ATP2B2: variants seen among roughly 807,000 people sequenced by gnomAD.
ATP2B2 encodes the protein ATPase plasma membrane Ca2+ transporting 2.
Under a neutral mutation model 120.0 loss-of-function variants are expected in ATP2B2, and 15 were observed. That is an observed-to-expected ratio of 0.12 (90% CI 0.08 to 0.19). The LOEUF (loss-of-function observed/expected upper bound fraction) is 0.19. Among genes scored for constraint, ATP2B2 ranks in the 10% least tolerant of loss-of-function variants. ATP2B2 has a pLI of 1.00. For synonymous variants in ATP2B2, 694 were observed against 700.3 expected (o/e 0.99, Z 0.14); for missense variants, 1,045 against 1,719.8 (o/e 0.61, Z 6.94).
At chr3:10,567,806 A>G (rs551538070) in intron 2 of ATP2B2, among the ~76,000 whole-genome samples, 2 of 152,258 alleles carry the variant, frequency 1.3e-5, no homozygotes, top group Admixed American at 1.3e-4. Flanking sequence ...GAGGGCTGAG[A>G]CTGCGTTTCA....
At chr3:10,333,753 T>C (rs912536802) in intron 22 of ATP2B2, among the ~76,000 whole-genome samples, 1 of 151,964 alleles carries the variant, frequency 6.6e-6, no homozygotes. Context: ...AGAGGCAAGA[T>C]GGTGAGCAGG....
At chr3:10,650,266 G>T (rs1199282696) in intron 1 of ATP2B2, among the ~76,000 whole-genome samples, 1 of 152,220 alleles carries the variant, frequency 6.6e-6, no homozygotes, top group Non-Finnish European at 1.5e-5. Context: ...GGGAACTGGA[G>T]AAAGGTGACT....
chr3:10,539,813 G>A (rs943998597), intron 2 of ATP2B2, among the ~76,000 whole-genome samples: 1 of 152,178 alleles, frequency 6.6e-6, no homozygotes, highest in Non-Finnish European at 1.5e-5. Context: ...CATGGGCAAG[G>A]ACTTCATGAC....
chr3:10,384,912 C>G (rs1026565544), intron 8 of ATP2B2, among the ~76,000 whole-genome samples: 1 of 152,222 alleles, frequency 6.6e-6, no homozygotes, highest in Non-Finnish European at 1.5e-5. Context: ...GGCCTTCTTC[C>G]CAAAGCCAGG....
intron 1 of ATP2B2, among the ~76,000 whole-genome samples, chr3:10,663,045 G>A (rs569116815): frequency 7.6e-6 from 1 of 131,512 alleles, no homozygotes; most frequent in Admixed American, 9.7e-5. Flanking sequence ...TGAACAATGA[G>A]AACACTTGGA....
intron 1 of ATP2B2, among the ~76,000 whole-genome samples, chr3:10,665,139 C>T (rs1359490659): frequency 6.6e-6 from 1 of 152,192 alleles, no homozygotes; most frequent in African/African-American, 2.4e-5. Context: ...TACCTGCTAC[C>T]CTGCTCTGAG....
intron 1 of ATP2B2, among the ~76,000 whole-genome samples, chr3:10,500,026 C>T (rs2066318876): frequency 6.6e-6 from 1 of 151,446 alleles, no homozygotes; most frequent in African/African-American, 2.4e-5. Flanking sequence ...ACCTCCACCT[C>T]CCAGGATCAA....
At chr3:10,385,454 G>A in intron 7 of ATP2B2, 127 bp from the exon 8 acceptor site, 1 of 771,730 alleles carries the variant, frequency 1.3e-6, no homozygotes. Flanking sequence ...TTATCCTTTG[G>A]AAACCAAGAA....
chr3:10,652,084 A>G (rs1230896379), intron 1 of ATP2B2, among the ~76,000 whole-genome samples: 1 of 152,084 alleles, frequency 6.6e-6, no homozygotes, highest in East Asian at 1.9e-4. Context: ...TCAAGGGGAG[A>G]CTATTCTATT....
chr3:10,342,980 G>T lies in ATP2B2; in HGVS notation c.2704-15C>A. ...AGAGGGGAGTCCTGGGGACGGGCAG[G>T]AGAGGGCTGTCACCTGTGCGCCCAC... is the stretch of plus-strand genomic sequence containing the variant. On this transcript the variant is annotated splice_polypyrimidine_tract_variant and intron_variant, in intron 18 of 22. Transcript: ENST00000360273. The surrounding 1 kb of genome is among the most constrained non-coding windows in gnomAD (Gnocchi z 4.4). 6.2e-7 allele frequency: 1 copy of T among 1,612,716 alleles called. No homozygotes were observed. The highest frequency in any genetic ancestry group is 1.1e-5 in the South Asian group (1 of 90,934).
At chr3:10,692,844 C>T (rs985411741) in intron 1 of ATP2B2, among the ~76,000 whole-genome samples, 13 of 149,902 alleles carry the variant, frequency 8.7e-5, no homozygotes, top group Admixed American at 6.7e-4. Flanking sequence ...AATGGGAGCC[C>T]ACACCCGCCA....
intron 1 of ATP2B2, among the ~76,000 whole-genome samples, chr3:10,652,211 C>T (rs919565270): frequency 1.3e-5 from 2 of 152,146 alleles, no homozygotes; most frequent in Non-Finnish European, 2.9e-5. Context: ...ATGACCCCAC[C>T]ACGTGGCCCA....
intron 1 of ATP2B2, among the ~76,000 whole-genome samples, chr3:10,661,884 A>G (rs555378341): frequency 6.6e-6 from 1 of 152,354 alleles, no homozygotes; most frequent in South Asian, 2.1e-4. Flanking sequence ...ACAGCATAGT[A>G]CTGGTACCAA....
chr3:10,448,089 G>A (rs111588225), intron 2 of ATP2B2, among the ~76,000 whole-genome samples: 5 of 152,226 alleles, frequency 3.3e-5, no homozygotes, highest in African/African-American at 1.2e-4. Context: ...ATGCTGCCAG[G>A]GCTAGAGTCC....
intron 1 of ATP2B2, among the ~76,000 whole-genome samples, chr3:10,694,976 G>A (rs1048918639): frequency 1.3e-5 from 2 of 151,996 alleles, no homozygotes; most frequent in Non-Finnish European, 2.9e-5. Flanking sequence ...GTGGCTGCTT[G>A]TGATTAAAAG....
chr3:10,478,783 G>A (rs532644207), intron 1 of ATP2B2, among the ~76,000 whole-genome samples: 34 of 152,240 alleles, frequency 2.2e-4, no homozygotes, highest in South Asian at 6.2e-4. Context: ...TGACTGCTGT[G>A]GCCTCTAACT....
intron 1 of ATP2B2, among the ~76,000 whole-genome samples, chr3:10,473,502 T>A (rs574354757): frequency 2.0e-5 from 3 of 152,218 alleles, no homozygotes; most frequent in Admixed American, 2.0e-4. Context: ...TGCGGCGGTG[T>A]ACACCTGTAA....
At position 10,491,876 on chromosome 3, in the gene ATP2B2, T is replaced by C. The variant is rs570220488; in HGVS notation, c.-320+13589A>G. On this transcript the variant is annotated intron_variant, in intron 1 of 22. Coordinates refer to ENST00000360273, the MANE Select transcript of ATP2B2 (RefSeq NM_001001331.4). ...GTACCATGAAGAAAGAAAAAAGGAC[T>C]TCCAATAAAACTATGACGTGCTGTC... 6.6e-5 allele frequency among the ~76,000 whole-genome samples: 10 copies of C among 152,324 alleles called. 1 individual carries two copies. In the East Asian group the frequency reaches 1.7e-3, roughly 26 times the overall value.
chr3:10,656,551 G>A (rs574981439), intron 1 of ATP2B2, among the ~76,000 whole-genome samples: 1 of 152,122 alleles, frequency 6.6e-6, no homozygotes. Flanking sequence ...TGGGCCTTCC[G>A]CACACACCAG....
Sources: allele counts gnomAD v4.1 joint callset (sites outside exome capture counted in the v4.1 genomes callset), GRCh38; gene constraint gnomAD v4.1.1; non-coding constraint Gnocchi (gnomAD v3.1); transcripts MANE v1.5; gene names NCBI Gene and HGNC (gene_info 2026-07-23, HGNC 2026-07-21).